The following MACF1 variants were observed in gnomAD, a reference collection of about 807,000 sequenced individuals.
The protein encoded by MACF1 is microtubule actin crosslinking factor 1.
Under a neutral mutation model 854.8 loss-of-function variants are expected in MACF1, and 193 were observed. The observed-to-expected ratio is 0.23, with a 90% CI of 0.20 to 0.25. MACF1 has a LOEUF of 0.25. MACF1 is among the 10% of genes least tolerant of loss of function. The pLI is 1.00. For synonymous variants in MACF1, 3,185 were observed against 3,226.7 expected (o/e 0.99, Z 0.44); for missense variants, 7,722 against 8,929.1 (o/e 0.86, Z 5.45).
At chr1:39,422,053 C>T (rs529724912) in intron 58 of MACF1, among the ~76,000 whole-genome samples, 2 of 151,376 alleles carry the variant, frequency 1.3e-5, no homozygotes, top group East Asian at 1.9e-4. Context: ...CCAGCCTGGG[C>T]GACAGAGCGA....
chr1:39,355,904 T>C (rs1446273643), intron 44 of MACF1, among the ~76,000 whole-genome samples: 1 of 152,150 alleles, frequency 6.6e-6, no homozygotes, highest in Admixed American at 6.5e-5. Flanking sequence ...GCTATGTTGT[T>C]GCTCAGGCTG....
intron 26 of MACF1, among the ~76,000 whole-genome samples, chr1:39,314,567 T>TCACACA (rs761098207): frequency 0.076 from 8,732 of 114,754 alleles, 316 homozygotes; most frequent in Admixed American, 0.1. Context: ...TCTCTCTCTC[T>TCACACA]CTCACACACA....
At chr1:39,170,407 A>T (rs1213032446) in intron 2 of MACF1, among the ~76,000 whole-genome samples, 2 of 152,204 alleles carry the variant, frequency 1.3e-5, no homozygotes, top group African/African-American at 4.8e-5. Flanking sequence ...ACAAATGTGT[A>T]TGAGCACCTA....
chr1:39,191,804 T>G (rs1644257838), intron 2 of MACF1, among the ~76,000 whole-genome samples: 1 of 152,178 alleles, frequency 6.6e-6, no homozygotes, highest in Admixed American at 6.5e-5. Context: ...AGGGAATTCA[T>G]TACAACTCTG....
intron 2 of MACF1, among the ~76,000 whole-genome samples, chr1:39,108,813 T>C (rs1642319874): frequency 6.6e-6 from 1 of 152,218 alleles, no homozygotes; most frequent in South Asian, 2.1e-4. Context: ...CACAAAGCTT[T>C]AAGGACTAAA....
chr1:39,119,802 C>T (rs774624309), intron 2 of MACF1, among the ~76,000 whole-genome samples: 34 of 150,356 alleles, frequency 2.3e-4, no homozygotes, highest in Non-Finnish European at 4.4e-4. Flanking sequence ...AATATATATT[C>T]TGTCCATTTC....
chr1:39,093,821 G>A (rs185470), intron 2 of MACF1, among the ~76,000 whole-genome samples: 112,635 of 150,682 alleles, frequency 0.75, 43,398 homozygotes, highest in East Asian at 1. Context: ...GGAGTCTTGC[G>A]CTTTTGCCTA....
chr1:39,289,941 C>G (rs748223522), intron 15 of MACF1, among the ~76,000 whole-genome samples: 63 of 152,062 alleles, frequency 4.1e-4, no homozygotes, highest in Admixed American at 7.2e-4. Context: ...CTCAGGTGAT[C>G]CACCCGTCTC....
chr1:39,372,665 C>G (rs1649350026), intron 52 of MACF1, 69 bp downstream of exon 52: 1 of 977,756 alleles, frequency 1.0e-6, no homozygotes, highest in Non-Finnish European at 1.6e-6. Context: ...GGAGATGCCT[C>G]CTTATATAAT....
intron 40 of MACF1, 141 bp downstream of exon 40, chr1:39,341,094 C>CA: frequency 1.4e-6 from 1 of 723,836 alleles, no homozygotes; most frequent in South Asian, 2.1e-5. Context: ...AGTGCAGTGG[C>CA]ACAATCCCAG....
intron 2 of MACF1, among the ~76,000 whole-genome samples, chr1:39,102,544 C>T (rs1023051953): frequency 1.5e-4 from 23 of 152,074 alleles, no homozygotes; most frequent in Non-Finnish European, 2.9e-4. Flanking sequence ...GGAGGAAAGT[C>T]GGTTGGATGG....
Position 39,388,025 on chromosome 1 carries a change from C to G in MACF1, c.15183C>G (p.Ala5061=), listed in dbSNP as rs200924386. The G allele has an allele frequency of 3.2e-5, 51 of 1,613,948 alleles. No individual in the cohort carries two copies. The highest frequency in any genetic ancestry group is 1.5e-4 in the Admixed American group (9 of 59,986). Reference sequence around the variant, plus strand: ...GAGCTCAACAGGAAGTGCTGCAGGCCCTAGAGCCTCAGGTAGACTATCTGA... The same window carrying G: ...GAGCTCAACAGGAAGTGCTGCAGGCGCTAGAGCCTCAGGTAGACTATCTGA... ...KLRAQQEVLQ[A]LEPQVDYLRN... Residue 5061 remains alanine, a synonymous_variant, in exon 58 of 101, where the codon GCC becomes GCG. Coordinates refer to ENST00000564288, the MANE Select transcript of MACF1 (RefSeq NM_001394062.1).
chr1:39,378,023 G>A (rs139729430), intron 52 of MACF1, among the ~76,000 whole-genome samples: 1 of 151,802 alleles, frequency 6.6e-6, no homozygotes, highest in East Asian at 1.9e-4. Context: ...AAAAAAAAAG[G>A]CTGCTTTTTC....
chr1:39,090,896 TG>T (rs1365745629), intron 2 of MACF1, among the ~76,000 whole-genome samples: 2 of 152,350 alleles, frequency 1.3e-5, no homozygotes, highest in African/African-American at 4.8e-5. Flanking sequence ...GGAGCCTGGC[TG>T]GCCTCCTTTT....
intron 84 of MACF1, among the ~76,000 whole-genome samples, chr1:39,450,779 T>C (rs1307621817): frequency 6.6e-6 from 1 of 151,766 alleles, no homozygotes; most frequent in Non-Finnish European, 1.5e-5. Flanking sequence ...GCCCGGCTAA[T>C]TTTTTGTATT....
At position 39,290,998 on chromosome 1, in the gene MACF1, G is replaced by A. The variant is rs1208170355; in HGVS notation, c.1786-912G>A. Among the ~76,000 whole-genome samples, 19 of 148,670 alleles carry A rather than the reference G, an allele frequency of 1.3e-4. No individual in the cohort carries two copies. In the East Asian group the frequency reaches 3.8e-3, roughly 30 times the overall value. On this transcript the variant is annotated intron_variant, in intron 15 of 100. Transcript: ENST00000564288. ...TCTCAACTTTTTTTTTTGAGACAGA[G>A]TCTCACTCCGTCACCCAGGCTGGAG...
intron 2 of MACF1, among the ~76,000 whole-genome samples, chr1:39,129,769 C>T (rs1277194224): frequency 1.3e-5 from 2 of 152,202 alleles, no homozygotes; most frequent in African/African-American, 2.4e-5. Flanking sequence ...TGACACCCTC[C>T]TATCACACAC....
intron 54 of MACF1, among the ~76,000 whole-genome samples, chr1:39,379,858 T>C (rs1013114370): frequency 6.6e-6 from 1 of 152,206 alleles, no homozygotes; most frequent in Non-Finnish European, 1.5e-5. Flanking sequence ...AGGAAAAATG[T>C]CAGAAGATAT....
intron 6 of MACF1, chr1:39,269,171 G>T: frequency 7.8e-7 from 1 of 1,289,996 alleles, no homozygotes; most frequent in Non-Finnish European, 1.0e-6. Flanking sequence ...ACTGCGAGAA[G>T]TCAGTGAGCC....
Sources: allele counts gnomAD v4.1 joint callset (sites outside exome capture counted in the v4.1 genomes callset), GRCh38; gene constraint gnomAD v4.1.1; transcripts MANE v1.5; gene names NCBI Gene and HGNC (gene_info 2026-07-23, HGNC 2026-07-21).